Variants in PEA15 observed in about 807,000 individuals in gnomAD.
The protein encoded by PEA15 is proliferation and apoptosis adaptor protein 15.
For synonymous variants in PEA15, 60 were observed against 61.8 expected, an observed-to-expected ratio of 0.97 and a Z score of 0.13; for missense variants, 77 against 161.3, an observed-to-expected ratio of 0.48 and a Z score of 2.83.
At position 160,213,627 on chromosome 1, in the gene PEA15, T is replaced by C. The variant is rs761666619; in HGVS notation, c.*141T>C. The stretch of plus-strand genomic sequence containing the variant: ...AACCCCCTTACTGTGCGCGTGTGTG[T>C]GCGTGTGCGCACGCTCTGGCTGTTT... On this transcript the variant is annotated 3_prime_UTR_variant, in exon 4 of 4. Transcript: ENST00000360472. The surrounding 1 kb of genome is among the most constrained non-coding windows in gnomAD (Gnocchi z 5.3). 31 of 459,482 alleles carry C rather than the reference T, an allele frequency of 6.7e-5. No individual in the cohort carries two copies. The highest frequency in any genetic ancestry group is 1.2e-4 in the East Asian group (2 of 16,350). The allele number at this position is 459,482 out of a possible 1,614,324, so 28.5% of individuals were successfully genotyped here. A position where few individuals can be genotyped will look rare whatever the true frequency, so the allele number is the denominator to read the frequency against.
In PEA15 at chr1:160,213,708, TA is replaced by T. The variant is rs1371486934; in HGVS notation, c.*223del. ...TCTTAAGGGGATGGGGGTCAGGGGC[TA>T]GGGGAGGGGGCTGAGTTTCCCCACT... On this transcript the variant is annotated 3_prime_UTR_variant, in exon 4 of 4. Transcript: ENST00000360472. The surrounding 1 kb of genome is among the most constrained non-coding windows in gnomAD (Gnocchi z 5.3). The T allele has an allele frequency of 3.6e-6, 1 of 278,606 alleles. No individual in the cohort carries two copies. The highest frequency in any genetic ancestry group is 2.3e-5 in the African/African-American group (1 of 42,922). 17.3% of individuals were successfully genotyped at this position (278,606 alleles called of 1,614,324 possible). A position where few individuals can be genotyped will look rare whatever the true frequency, so the allele number is the denominator to read the frequency against.
Position 160,211,725 on chromosome 1 carries a change from G to GGGGA in PEA15, c.172+11_172+14dup. On this transcript the variant is annotated intron_variant, in intron 2 of 3. Coordinates refer to ENST00000360472, the MANE Select transcript of PEA15 (RefSeq NM_003768.5). Reference sequence around the variant, plus strand: ...CAACAAGCTGGACAAAGGTGGGGGAGGGGAGCACAGGGGTCCTGTCATCAG... The same window carrying GGGGA: ...CAACAAGCTGGACAAAGGTGGGGGAGGGGAGGGAGCACAGGGGTCCTGTCATCAG... The GGGGA allele has an allele frequency of 2.5e-6, 4 of 1,610,272 alleles. No homozygotes were observed. In the South Asian group the frequency reaches 4.4e-5, roughly 18 times the overall value.
intron 1 of PEA15, among the ~76,000 whole-genome samples, chr1:160,207,690 C>T (rs1263453884): frequency 6.6e-6 from 1 of 152,166 alleles, no homozygotes; most frequent in Non-Finnish European, 1.5e-5. Flanking sequence ...CAACCCCCTC[C>T]TCCCCCACAA....
At chr1:160,210,384 T>C (rs553143130) in intron 1 of PEA15, among the ~76,000 whole-genome samples, 4 of 152,252 alleles carry the variant, frequency 2.6e-5, no homozygotes, top group Non-Finnish European at 5.9e-5. Context: ...AGGAAATAGA[T>C]ACTCATTGTG....
intron 1 of PEA15, among the ~76,000 whole-genome samples, chr1:160,209,990 ACTGC>A (rs1266641363): frequency 1.3e-5 from 2 of 152,132 alleles, no homozygotes; most frequent in Non-Finnish European, 2.9e-5. Flanking sequence ...CATGCCTATG[ACTGC>A]CTGTTTCTTG....
chr1:160,213,518 C>T lies in PEA15; in HGVS notation c.*32C>T. 5 of 1,589,656 alleles carry T rather than the reference C, an allele frequency of 3.1e-6. No individual in the cohort carries two copies. Among genetic ancestry groups the T allele is most frequent in the Non-Finnish European group, 4.3e-6 (5 of 1,158,108 alleles). The stretch of plus-strand genomic sequence containing the variant: ...GGGAGGAAGAGGAGGAAGGTTGGAC[C>T]TTCATCAGACCACTCCCTTCCCCCA... On this transcript the variant is annotated 3_prime_UTR_variant, in exon 4 of 4. Coordinates refer to ENST00000360472, the MANE Select transcript of PEA15 (RefSeq NM_003768.5). This position sits in a 1 kb window ranked among gnomAD's most constrained non-coding sequence, Gnocchi z 5.3.
At position 160,213,876 on chromosome 1, in the gene PEA15, G is replaced by T; in HGVS notation, c.*390G>T. ...TCCTACATTGAGGAGCTGACATAGG[G>T]GTAAGGTATGGGAGAGGTAGGTGGA... On this transcript the variant is annotated 3_prime_UTR_variant, in exon 4 of 4. Transcript: ENST00000360472. This position sits in a 1 kb window ranked among gnomAD's most constrained non-coding sequence, Gnocchi z 5.3. The T allele has an allele frequency of 4.2e-6, 1 of 240,422 alleles. No homozygotes were observed. The highest frequency in any genetic ancestry group is 8.2e-6 in the Non-Finnish European group (1 of 121,444). The allele number at this position is 240,422 out of a possible 1,614,324, so 14.9% of individuals were successfully genotyped here. A position where few individuals can be genotyped will look rare whatever the true frequency, so the allele number is the denominator to read the frequency against.
intron 1 of PEA15, among the ~76,000 whole-genome samples, chr1:160,210,691 G>A (rs61801275): frequency 5.8e-4 from 89 of 152,168 alleles, no homozygotes; most frequent in Non-Finnish European, 1.1e-3. Context: ...TCCCAAAGCC[G>A]CATCTAAAGT....
Position 160,205,404 on chromosome 1 carries a change from C to A in PEA15, c.-121C>A. 1 of 176,692 alleles carries A rather than the reference C, an allele frequency of 5.7e-6. No homozygotes were observed. Among genetic ancestry groups the A allele is most frequent in the Non-Finnish European group, 1.1e-5 (1 of 89,436 alleles). 10.9% of individuals were successfully genotyped at this position (176,692 alleles called of 1,614,324 possible). A position where few individuals can be genotyped will look rare whatever the true frequency, so the allele number is the denominator to read the frequency against. Reference sequence around the variant, plus strand: ...GCTCCGGCTCCGCGGGCGGAAGAGGCGGCGGCGGCGGCAGAAGCGGCGGCG... The same window carrying A: ...GCTCCGGCTCCGCGGGCGGAAGAGGAGGCGGCGGCGGCAGAAGCGGCGGCG... On this transcript the variant is annotated 5_prime_UTR_variant, in exon 1 of 4. Coordinates refer to ENST00000360472, the MANE Select transcript of PEA15 (RefSeq NM_003768.5). This position sits in a 1 kb window ranked among gnomAD's most constrained non-coding sequence, Gnocchi z 5.9.
In PEA15 at chr1:160,213,197, T is replaced by C. The variant is rs775477196; in HGVS notation, c.260T>C (p.Leu87Pro). Residue 87 changes from leucine to proline, a missense_variant, in exon 3 of 4, where the codon CTG becomes CCG. Leu to Pro is a moderately conservative substitution (Grantham distance 98, BLOSUM62 -3). Coordinates refer to ENST00000360472, the MANE Select transcript of PEA15 (RefSeq NM_003768.5). This position sits in a 1 kb window ranked among gnomAD's most constrained non-coding sequence, Gnocchi z 5.3. ...GTGGTTGACTACAGAACCCGTGTGC[T>C]GAAGATCTCTGAGGAGGATGAGCTG... ...TMVVDYRTRV[L>P]KISEEDELDT... The C allele has an allele frequency of 6.2e-7, 1 of 1,614,232 alleles. No homozygotes were observed. Among genetic ancestry groups the C allele is most frequent in the Non-Finnish European group, 8.5e-7 (1 of 1,180,038 alleles).
In PEA15 at chr1:160,214,894, A is replaced by G. The variant is rs1655042470; in HGVS notation, c.*1408A>G. On this transcript the variant is annotated 3_prime_UTR_variant, in exon 4 of 4. Coordinates refer to ENST00000360472, the MANE Select transcript of PEA15 (RefSeq NM_003768.5). ...GGAGGGCTGGCTGCTGGAAGAAGGAAGAAGCCAGACTGGTTAGACAGTACT... is the reference window on the plus strand; with the variant it reads ...GGAGGGCTGGCTGCTGGAAGAAGGAGGAAGCCAGACTGGTTAGACAGTACT... 1.4e-4 allele frequency: 21 copies of G among 152,708 alleles called. No individual in the cohort carries two copies. The highest frequency in any genetic ancestry group is 1.4e-3 in the Admixed American group (21 of 15,282). The allele number at this position is 152,708 out of a possible 1,614,324, so 9.5% of individuals were successfully genotyped here. A position where few individuals can be genotyped will look rare whatever the true frequency, so the allele number is the denominator to read the frequency against.
chr1:160,213,385 C>T lies in PEA15; in HGVS notation c.329-37C>T, dbSNP rs772825245. The T allele has an allele frequency of 1.9e-6, 3 of 1,612,610 alleles. No homozygotes were observed. The highest frequency in any genetic ancestry group is 2.5e-6 in the Non-Finnish European group (3 of 1,178,592). On this transcript the variant is annotated intron_variant, in intron 3 of 3. Transcript: ENST00000360472. This position sits in a 1 kb window ranked among gnomAD's most constrained non-coding sequence, Gnocchi z 5.3. ...CAATGGGCCTGCCTGGCATCTCCCA[C>T]ACTGCTGTCCCTGGACACATACCTT...
At chr1:160,212,007 A>G (rs1654892776) in intron 2 of PEA15, among the ~76,000 whole-genome samples, 1 of 152,262 alleles carries the variant, frequency 6.6e-6, no homozygotes, top group African/African-American at 2.4e-5. Context: ...ATTCTAGACA[A>G]TAAAAATGGA....
chr1:160,212,665 A>AT (rs1654925340), intron 2 of PEA15, among the ~76,000 whole-genome samples: 1 of 151,084 alleles, frequency 6.6e-6, no homozygotes, highest in South Asian at 2.1e-4. Flanking sequence ...AACCTTTCTC[A>AT]CCAGGCCCAG....
intron 2 of PEA15, 108 bp downstream of exon 2, chr1:160,211,824 T>G: frequency 9.8e-7 from 1 of 1,020,140 alleles, no homozygotes; most frequent in Non-Finnish European, 1.4e-6. Flanking sequence ...TACCCCTCTA[T>G]AGCAAGGCAG....
chr1:160,210,313 G>A (rs766673677), intron 1 of PEA15, among the ~76,000 whole-genome samples: 2 of 152,196 alleles, frequency 1.3e-5, no homozygotes, highest in African/African-American at 2.4e-5. Context: ...TGGTCTAGTC[G>A]CATACAGAGT....
intron 1 of PEA15, among the ~76,000 whole-genome samples, chr1:160,209,154 T>TA (rs939678722): frequency 2.8e-4 from 42 of 152,112 alleles, no homozygotes; most frequent in African/African-American, 9.6e-4. Flanking sequence ...ACATGACAGA[T>TA]ACTCACAGCC....
chr1:160,206,725 C>G (rs763533008), intron 1 of PEA15, among the ~76,000 whole-genome samples: 1 of 152,046 alleles, frequency 6.6e-6, no homozygotes, highest in African/African-American at 2.4e-5. Context: ...AAGAGATGGT[C>G]AGAGAAGTGC....
rs771047417 is a variant in PEA15 at position 160,213,125 on chromosome 1, T to C, written c.188T>C (p.Ile63Thr). 1.2e-6 allele frequency: 2 copies of C among 1,614,130 alleles called. No homozygotes were observed. Among genetic ancestry groups the C allele is most frequent in the Non-Finnish European group, 1.7e-6 (2 of 1,179,998 alleles). ...CTTCCTCCAGACAACCTCTCCTACA[T>C]TGAGCACATCTTTGAGATCTCCCGC... is the stretch of plus-strand genomic sequence containing the variant. ...NKLDKDNLSY[I>T]EHIFEISRRP... Residue 63 changes from isoleucine (I) to threonine (T), a missense_variant, in exon 3 of 4, where the codon ATT becomes ACT. Physicochemically the swap from Ile to Thr is moderately conservative, Grantham distance 89 (BLOSUM62 -1). Transcript: ENST00000360472. The surrounding 1 kb of genome is among the most constrained non-coding windows in gnomAD (Gnocchi z 5.3).
Sources: gnomAD v4.1 joint callset for allele counts (sites outside exome capture counted in the v4.1 genomes callset) on GRCh38, gnomAD v4.1.1 for gene constraint, Gnocchi (gnomAD v3.1) non-coding constraint, MANE v1.5 for transcripts, NCBI Gene and HGNC (gene_info 2026-07-23, HGNC 2026-07-21) for gene names.